The following GLRB variants were observed in gnomAD, a reference collection of about 807,000 sequenced individuals.
GLRB encodes the protein glycine receptor subunit beta.
A neutral mutation model predicts 54.2 loss-of-function variants in GLRB; 33 were observed. The observed-to-expected ratio is 0.61, with a 90% CI of 0.46 to 0.81. The LOEUF is 0.81. GLRB is among the 40% of genes least tolerant of loss of function. GLRB has a pLI of 0.00. For missense variants in GLRB, 572 were observed against 584.6 expected (o/e 0.98, Z 0.22); for synonymous variants, 209 against 208.2 (o/e 1.00, Z -0.03).
intron 2 of GLRB, among the ~76,000 whole-genome samples, chr4:157,089,050 A>ACTTAATC (rs1214375979): frequency 6.6e-6 from 1 of 152,206 alleles, no homozygotes; most frequent in Admixed American, 6.5e-5. Context: ...AATATGTACC[A>ACTTAATC]CTTAATCATT....
At chr4:157,162,919 G>A (rs1030253608) in intron 9 of GLRB, among the ~76,000 whole-genome samples, 1 of 152,124 alleles carries the variant, frequency 6.6e-6, no homozygotes, top group East Asian at 1.9e-4. Context: ...TGTTCAACTA[G>A]GCCTGCCCCC....
At chr4:157,151,804 A>T (rs916384101) in intron 8 of GLRB, among the ~76,000 whole-genome samples, 1 of 152,154 alleles carries the variant, frequency 6.6e-6, no homozygotes, top group Non-Finnish European at 1.5e-5. Flanking sequence ...AGAAGAAAAA[A>T]TTATACTCAA....
chr4:157,162,199 T>C (rs1321693042), intron 9 of GLRB, among the ~76,000 whole-genome samples: 2 of 152,224 alleles, frequency 1.3e-5, no homozygotes, highest in Non-Finnish European at 2.9e-5. Context: ...TTTAAGGATT[T>C]CTCTACACTG....
At chr4:157,144,102 G>T in intron 8 of GLRB, 143 bp downstream of exon 8, 1 of 793,448 alleles carries the variant, frequency 1.3e-6, no homozygotes, top group Non-Finnish European at 2.1e-6. Flanking sequence ...TTCAAAACTT[G>T]ATATTGAACT....
chr4:157,105,682 A>G (rs1421268192), intron 2 of GLRB, among the ~76,000 whole-genome samples: 1 of 151,968 alleles, frequency 6.6e-6, no homozygotes, highest in Non-Finnish European at 1.5e-5. Flanking sequence ...TTCCTTATAA[A>G]TTTCTGTGGC....
In GLRB at chr4:157,076,242, C is replaced by G. The variant is rs1734022165; in HGVS notation, c.-85C>G. On this transcript the variant is annotated 5_prime_UTR_variant, in exon 1 of 10. Transcript: ENST00000264428. ...CTGCACCCTTAGCAGCCACTGCCAC[C>G]TGGGCCCGGAGCCTCCACGATCTCG... The G allele has an allele frequency of 1.3e-5, 2 of 151,290 alleles. No individual in the cohort carries two copies. The highest frequency in any genetic ancestry group is 1.3e-4 in the Admixed American group (2 of 15,168). 9.4% of individuals were successfully genotyped at this position (151,290 alleles called of 1,614,324 possible).
chr4:157,077,807 G>T (rs914541690), intron 1 of GLRB, among the ~76,000 whole-genome samples, 189 bp from the exon 2 acceptor site: 4 of 150,530 alleles, frequency 2.7e-5, no homozygotes, highest in Admixed American at 2.0e-4. Context: ...ATATAAAAAA[G>T]ACTTTACAAC....
At chr4:157,137,342 T>C (rs183394971) in intron 6 of GLRB, among the ~76,000 whole-genome samples, 1 of 152,220 alleles carries the variant, frequency 6.6e-6, no homozygotes, top group East Asian at 1.9e-4. Context: ...ATTGTATTTT[T>C]TATGTTTAAT....
intron 2 of GLRB, among the ~76,000 whole-genome samples, chr4:157,118,076 T>A (rs900491233): frequency 6.6e-6 from 1 of 151,548 alleles, no homozygotes; most frequent in Non-Finnish European, 1.5e-5. Flanking sequence ...CAAAATTTGG[T>A]AGTGAGATAA....
intron 2 of GLRB, among the ~76,000 whole-genome samples, chr4:157,116,576 T>C (rs911636654): frequency 1.3e-5 from 2 of 151,736 alleles, no homozygotes; most frequent in African/African-American, 4.8e-5. Context: ...AGGAGATATA[T>C]AGTAACATAC....
At position 157,122,229 on chromosome 4, in the gene GLRB, T is replaced by G; in HGVS notation, c.230-101T>G. 9.2e-6 allele frequency: 5 copies of G among 544,094 alleles called. No individual in the cohort carries two copies. In the South Asian group the frequency reaches 1.4e-4, roughly 15 times the overall value. 33.7% of individuals were successfully genotyped at this position (544,094 alleles called of 1,614,324 possible). On this transcript the variant is annotated intron_variant, in intron 3 of 9. Transcript: ENST00000264428. Reference sequence around the variant, plus strand: ...TAGATTTTTTGCATTCCATATGGATTGGAAAAAATATAATAATTAAATGTG... The same window carrying G: ...TAGATTTTTTGCATTCCATATGGATGGGAAAAAATATAATAATTAAATGTG...
At chr4:157,159,497 G>A (rs926641287) in intron 9 of GLRB, among the ~76,000 whole-genome samples, 1 of 152,054 alleles carries the variant, frequency 6.6e-6, no homozygotes, top group African/African-American at 2.4e-5. Context: ...ATTATTTTGA[G>A]ATATGTCCCA....
At chr4:157,147,466 A>C (rs946445018) in intron 8 of GLRB, among the ~76,000 whole-genome samples, 4 of 130,448 alleles carry the variant, frequency 3.1e-5, no homozygotes, top group African/African-American at 1.9e-4. Context: ...AAAGAAGATG[A>C]GGGGGGGATT....
chr4:157,096,536 G>T (rs772191039), intron 2 of GLRB, among the ~76,000 whole-genome samples: 67 of 152,270 alleles, frequency 4.4e-4, no homozygotes, highest in South Asian at 8.3e-4. Context: ...GACAAGAAGG[G>T]CTTATCTTTC....
At chr4:157,124,788 T>C (rs1460628037) in intron 4 of GLRB, among the ~76,000 whole-genome samples, 1 of 151,854 alleles carries the variant, frequency 6.6e-6, no homozygotes, top group African/African-American at 2.4e-5. Flanking sequence ...AATCTGCCCT[T>C]CACTTTATAT....
intron 8 of GLRB, among the ~76,000 whole-genome samples, chr4:157,144,387 A>G (rs6536220): frequency 1 from 151,868 of 152,298 alleles, 75,720 homozygotes; most frequent in Middle Eastern, 1. Flanking sequence ...AAATTATGTA[A>G]CCATCATTTT....
chr4:157,128,685 A>G (rs1736105076), intron 4 of GLRB, among the ~76,000 whole-genome samples: 1 of 151,838 alleles, frequency 6.6e-6, no homozygotes, highest in Non-Finnish European at 1.5e-5. Context: ...AAAATTAATT[A>G]TCCATAAGGT....
chr4:157,103,506 A>G (rs1053062160), intron 2 of GLRB, among the ~76,000 whole-genome samples: 7 of 152,208 alleles, frequency 4.6e-5, no homozygotes, highest in Admixed American at 3.9e-4. Context: ...GTTCTTTCTC[A>G]AGATTGTTTG....
intron 2 of GLRB, among the ~76,000 whole-genome samples, chr4:157,104,906 T>G (rs1187539940): frequency 6.6e-6 from 1 of 151,940 alleles, no homozygotes; most frequent in African/African-American, 2.4e-5. Context: ...TAATGCCCCT[T>G]CTTTCATTTT....
Sources: gnomAD v4.1 joint callset for allele counts (sites outside exome capture counted in the v4.1 genomes callset) on GRCh38, gnomAD v4.1.1 for gene constraint, MANE v1.5 for transcripts, NCBI Gene and HGNC (gene_info 2026-07-23, HGNC 2026-07-21) for gene names.